The following ZNF732 variants were observed in gnomAD, a reference collection of about 807,000 sequenced individuals.
ZNF732 encodes the protein zinc finger protein 732, also known as zinc finger protein LOC654254.
A neutral mutation model predicts 11.5 loss-of-function variants in ZNF732; 12 were observed. The observed-to-expected ratio is 1.05, with a 90% CI of 0.67 to 1.70. ZNF732 has a LOEUF of 1.70. Among genes scored for constraint, ZNF732 ranks in the 40% most tolerant of loss-of-function variants. The pLI, the probability that ZNF732 is intolerant of heterozygous loss-of-function variation, is 0.00. For missense variants in ZNF732, 702 were observed against 676.9 expected, an observed-to-expected ratio of 1.04 and a Z score of -0.41; for synonymous variants, 231 against 236.5, an observed-to-expected ratio of 0.98 and a Z score of 0.21.
rs113923591 is a variant in ZNF732 at position 275,903 on chromosome 4, CAG to C, written c.227-3275_227-3274del. Among the ~76,000 whole-genome samples the C allele has an allele frequency of 2.3e-3, 352 of 151,368 alleles. 1 individual carries two copies. The highest frequency in any genetic ancestry group is 8.1e-3 in the African/African-American group (334 of 41,388). ...GAATTGTTTGTGTAGAGTGAGAAAA[CAG>C]AAAAAGTAGGTAGTTATATTGAGTG... On this transcript the variant is annotated intron_variant, in intron 3 of 3. Coordinates refer to ENST00000419098, the MANE Select transcript of ZNF732 (RefSeq NM_001137608.3).
intron 3 of ZNF732, among the ~76,000 whole-genome samples, chr4:285,776 G>A (rs1719718301): frequency 6.6e-6 from 1 of 152,158 alleles, no homozygotes; most frequent in Non-Finnish European, 1.5e-5. Flanking sequence ...GTCTCACTTT[G>A]TCACCCAGGC....
intron 3 of ZNF732, 62 bp from the exon 4 acceptor site, chr4:272,692 C>T: frequency 7.3e-7 from 1 of 1,364,738 alleles, no homozygotes. Flanking sequence ...CTTTAAAAAT[C>T]TAATATATAA....
chr4:299,437 A>ATATACATATATACACATATGTG, intron 1 of ZNF732, among the ~76,000 whole-genome samples: 1 of 11,920 alleles, frequency 8.4e-5, no homozygotes, highest in South Asian at 5.6e-3. Context: ...ACATATGTGT[A>ATATACATATATACACATATGTG]TATATATATA....
chr4:297,714 C>G (rs561296302), intron 1 of ZNF732, among the ~76,000 whole-genome samples: 1 of 150,816 alleles, frequency 6.6e-6, no homozygotes, highest in East Asian at 1.9e-4. Flanking sequence ...ATTTAAGGCA[C>G]AAAAGTATAT....
chr4:276,753 A>C (rs186018097), intron 3 of ZNF732, among the ~76,000 whole-genome samples: 20 of 152,028 alleles, frequency 1.3e-4, no homozygotes, highest in Admixed American at 5.9e-4. Context: ...GATTCAACGC[A>C]ATCTCTTATC....
At chr4:282,359 T>G (rs1288649870) in intron 3 of ZNF732, among the ~76,000 whole-genome samples, 1 of 152,020 alleles carries the variant, frequency 6.6e-6, no homozygotes, top group Non-Finnish European at 1.5e-5. Context: ...AATAAATACA[T>G]AAATAAAATA....
chr4:273,052 C>G (rs2108651680), intron 3 of ZNF732, among the ~76,000 whole-genome samples: 1 of 152,128 alleles, frequency 6.6e-6, no homozygotes, highest in African/African-American at 2.4e-5. Context: ...GTTTCTGCCT[C>G]CAATAACAAA....
intron 3 of ZNF732, among the ~76,000 whole-genome samples, chr4:284,324 T>G (rs1024718013): frequency 6.6e-6 from 1 of 151,922 alleles, no homozygotes; most frequent in Admixed American, 6.6e-5. Context: ...TCTGAACAAC[T>G]GATGAGTCAA....
chr4:295,879 CT>C, intron 2 of ZNF732, 149 bp downstream of exon 2: 2 of 1,033,202 alleles, frequency 1.9e-6, no homozygotes, highest in Non-Finnish European at 2.7e-6. Flanking sequence ...TCTTAATATT[CT>C]TTTTTACACC....
chr4:274,202 A>G (rs1368927694), intron 3 of ZNF732, among the ~76,000 whole-genome samples: 3 of 151,818 alleles, frequency 2.0e-5, no homozygotes, highest in African/African-American at 7.2e-5. Context: ...GTTCATCATA[A>G]TCTGGTAATA....
intron 3 of ZNF732, among the ~76,000 whole-genome samples, chr4:290,565 C>A (rs544624842): frequency 6.6e-6 from 1 of 152,160 alleles, no homozygotes; most frequent in African/African-American, 2.4e-5. Flanking sequence ...TGTGGCCATT[C>A]GTACACATTC....
chr4:285,738 T>G (rs1719717453), intron 3 of ZNF732, among the ~76,000 whole-genome samples: 1 of 152,212 alleles, frequency 6.6e-6, no homozygotes, highest in Admixed American at 6.5e-5. Context: ...AGGGCTGCTG[T>G]GATACCTTTA....
intron 1 of ZNF732, 130 bp from the exon 2 acceptor site, chr4:296,285 C>CCTG: frequency 7.9e-7 from 1 of 1,272,168 alleles, no homozygotes; most frequent in Non-Finnish European, 1.1e-6. Context: ...CAGTAATGTT[C>CCTG]TCTAAAGTAT....
intron 1 of ZNF732, among the ~76,000 whole-genome samples, chr4:301,072 T>C (rs1040238612): frequency 6.6e-6 from 1 of 152,182 alleles, no homozygotes; most frequent in African/African-American, 2.4e-5. Context: ...GAATAGACAC[T>C]TCTCAAAAGA....
intron 1 of ZNF732, among the ~76,000 whole-genome samples, chr4:303,910 G>C (rs1385976579): frequency 6.6e-6 from 1 of 152,166 alleles, no homozygotes; most frequent in Non-Finnish European, 1.5e-5. Context: ...GGGCAGGACT[G>C]ACTAAATAAA....
At chr4:295,961 T>C in intron 2 of ZNF732, 68 bp downstream of exon 2, 2 of 1,558,184 alleles carry the variant, frequency 1.3e-6, no homozygotes, top group South Asian at 2.4e-5. Flanking sequence ...CCAAGAGACA[T>C]TCTACAAAAA....
At chr4:299,449 A>G (rs1464011308) in intron 1 of ZNF732, among the ~76,000 whole-genome samples, 3 of 90,750 alleles carry the variant, frequency 3.3e-5, no homozygotes, top group East Asian at 6.8e-4. Context: ...ATATATATAT[A>G]TACACATATG....
chr4:275,252 C>T (rs73791811), intron 3 of ZNF732, among the ~76,000 whole-genome samples: 8,135 of 151,612 alleles, frequency 0.054, 323 homozygotes, highest in African/African-American at 0.11. Context: ...AAAAAATTTA[C>T]ATATTTATAG....
At position 275,710 on chromosome 4, in the gene ZNF732, A is replaced by G. The variant is rs1719479622; in HGVS notation, c.227-3080T>C. Among the ~76,000 whole-genome samples, 5 of 151,948 alleles carry G rather than the reference A, an allele frequency of 3.3e-5. No individual in the cohort carries two copies. In the Middle Eastern group the frequency reaches 0.01, roughly 310 times the overall value. Reference sequence around the variant, plus strand: ...AAATAAATTGAGAAATATAATTTCAATTATTAAAATAATGAAATATTACTC... The same window carrying G: ...AAATAAATTGAGAAATATAATTTCAGTTATTAAAATAATGAAATATTACTC... On this transcript the variant is annotated intron_variant, in intron 3 of 3. Coordinates refer to ENST00000419098, the MANE Select transcript of ZNF732 (RefSeq NM_001137608.3).
Sources: gnomAD v4.1 joint callset for allele counts (sites outside exome capture counted in the v4.1 genomes callset) on GRCh38, gnomAD v4.1.1 for gene constraint, MANE v1.5 for transcripts, NCBI Gene and HGNC (gene_info 2026-07-23, HGNC 2026-07-21) for gene names.